Variants in ARK2N observed in about 807,000 individuals in gnomAD.
ARK2N encodes protein ARK2N.
the ARK2N span, among the ~76,000 whole-genome samples, chr18:46,258,714 T>C: frequency 7.9e-5 from 12 of 152,302 alleles, no homozygotes; most frequent in South Asian, 2.5e-3. Context: ...AGTAATACAA[T>C]TGATTGGACC....
the ARK2N span, among the ~76,000 whole-genome samples, chr18:46,221,142 A>G: frequency 1.3e-3 from 191 of 152,084 alleles, 4 homozygotes; most frequent in South Asian, 0.038. Context: ...TCTCAAAAAA[A>G]TCCAAACAAA....
At chr18:46,265,961 G>A in the ARK2N span, 1 of 152,404 alleles carries the variant, frequency 6.6e-6, no homozygotes, top group Non-Finnish European at 1.5e-5. Flanking sequence ...AAACAGAGCA[G>A]TGACCTAGCT....
At chr18:46,174,872 C>A in the ARK2N span, among the ~76,000 whole-genome samples, 1 of 152,222 alleles carries the variant, frequency 6.6e-6, no homozygotes, top group Non-Finnish European at 1.5e-5. Flanking sequence ...CCGCAGTGGC[C>A]TTGGTGGAGG....
At chr18:46,254,314 G>A in the ARK2N span, among the ~76,000 whole-genome samples, 1 of 152,178 alleles carries the variant, frequency 6.6e-6, no homozygotes, top group Admixed American at 6.5e-5. Context: ...TTTTTACAGA[G>A]TGTATTTCCA....
chr18:46,200,176 C>T, the ARK2N span, among the ~76,000 whole-genome samples: 8 of 151,802 alleles, frequency 5.3e-5, no homozygotes, highest in South Asian at 2.1e-4. Flanking sequence ...TTCATTTTTC[C>T]GAAAGACCAC....
At chr18:46,260,479 C>T in the ARK2N span, among the ~76,000 whole-genome samples, 2 of 148,700 alleles carry the variant, frequency 1.3e-5, no homozygotes, top group African/African-American at 5.2e-5. Flanking sequence ...CAGTGTCCTA[C>T]TAATAAATTC....
chr18:46,254,807 A>G, the ARK2N span, among the ~76,000 whole-genome samples: 1 of 152,152 alleles, frequency 6.6e-6, no homozygotes, highest in Non-Finnish European at 1.5e-5. Context: ...GCTTTAAGGT[A>G]TGTTCATAAT....
the ARK2N span, among the ~76,000 whole-genome samples, chr18:46,178,739 AC>A: frequency 6.6e-6 from 1 of 151,954 alleles, no homozygotes; most frequent in African/African-American, 2.4e-5. Flanking sequence ...ACATGGCAGA[AC>A]CGTCTCTACA....
At chr18:46,199,110 T>C in the ARK2N span, among the ~76,000 whole-genome samples, 1 of 151,924 alleles carries the variant, frequency 6.6e-6, no homozygotes, top group African/African-American at 2.4e-5. Flanking sequence ...AGTCTGGGAG[T>C]AAATGAGATA....
chr18:46,186,858 C>CTTTTTTTTTTTTTTTTTT, the ARK2N span, among the ~76,000 whole-genome samples: 1 of 129,948 alleles, frequency 7.7e-6, no homozygotes, highest in African/African-American at 2.8e-5. Context: ...CTTACTACTA[C>CTTTTTTTTTTTTTTTTTT]TTTTTTTTTT....
chr18:46,254,881 C>A, the ARK2N span, among the ~76,000 whole-genome samples: 1,522 of 152,166 alleles, frequency 0.01, 28 homozygotes, highest in African/African-American at 0.034. Context: ...TTCCCCACCT[C>A]CCCTGCCGCA....
the ARK2N span, among the ~76,000 whole-genome samples, chr18:46,258,646 T>C: frequency 6.6e-6 from 1 of 152,192 alleles, no homozygotes; most frequent in Non-Finnish European, 1.5e-5. Context: ...CTGTCACCAA[T>C]TGCATGCAGG....
At chr18:46,177,480 G>A in the ARK2N span, among the ~76,000 whole-genome samples, 36 of 146,250 alleles carry the variant, frequency 2.5e-4, no homozygotes, top group Admixed American at 1.3e-3. Flanking sequence ...TGCCCAGGCT[G>A]GAGTACAGTG....
chr18:46,227,352 A>G, the ARK2N span, among the ~76,000 whole-genome samples: 4 of 152,216 alleles, frequency 2.6e-5, no homozygotes, highest in Non-Finnish European at 4.4e-5. Context: ...ATTCAGTTCT[A>G]TATCCACATA....
chr18:46,174,860 G>T, the ARK2N span, among the ~76,000 whole-genome samples: 46 of 152,210 alleles, frequency 3.0e-4, 1 homozygote, highest in Non-Finnish European at 5.9e-5. Flanking sequence ...CCGGCGCCGC[G>T]GCCGCAGTGG....
chr18:46,256,681 T>G, the ARK2N span, among the ~76,000 whole-genome samples: 1 of 152,254 alleles, frequency 6.6e-6, no homozygotes, highest in African/African-American at 2.4e-5. Context: ...TGACATCCAT[T>G]TTAAAACCTC....
the ARK2N span, among the ~76,000 whole-genome samples, chr18:46,179,008 T>C: frequency 6.6e-6 from 1 of 152,120 alleles, no homozygotes; most frequent in Non-Finnish European, 1.5e-5. Flanking sequence ...AGTGTCAGGA[T>C]ATCTGCTCAC....
At chr18:46,181,606 C>T in the ARK2N span, among the ~76,000 whole-genome samples, 10 of 151,710 alleles carry the variant, frequency 6.6e-5, no homozygotes, top group Non-Finnish European at 8.8e-5. Flanking sequence ...CCCAGCTACT[C>T]GGGAGGTTTG....
chr18:46,206,503 C>G, the ARK2N span, among the ~76,000 whole-genome samples: 1 of 152,144 alleles, frequency 6.6e-6, no homozygotes, highest in Admixed American at 6.6e-5. Context: ...CTTGTCTCCT[C>G]TCTCTTTAAA....
Sources: gnomAD v4.1 joint callset for allele counts (sites outside exome capture counted in the v4.1 genomes callset) on GRCh38, gnomAD v4.1.1 for gene constraint, MANE v1.5 for transcripts, NCBI Gene and HGNC (gene_info 2026-07-23, HGNC 2026-07-21) for gene names.